The following SND1 variants were observed in gnomAD, a reference collection of about 807,000 sequenced individuals.
The protein encoded by SND1 is staphylococcal nuclease and tudor domain containing 1, also known as staphylococcal nuclease domain-containing protein 1.
Under a neutral mutation model 121.7 loss-of-function variants are expected in SND1, and 38 were observed. The ratio of observed to expected loss-of-function variants is 0.31; its 90% CI spans 0.24 to 0.41. The LOEUF (loss-of-function observed/expected upper bound fraction) is 0.41. Among genes scored for constraint, SND1 ranks in the 10% least tolerant of loss-of-function variants. The pLI, the probability that SND1 is intolerant of heterozygous loss-of-function variation, is 1.00. For synonymous variants in SND1, 401 were observed against 447.4 expected, an observed-to-expected ratio of 0.90 and a Z score of 1.31; for missense variants, 868 against 1,184.6, an observed-to-expected ratio of 0.73 and a Z score of 3.92.
chr7:127,710,785 G>A lies in SND1; in HGVS notation c.1038+3138G>A, dbSNP rs78031647. Among the ~76,000 whole-genome samples, 392 of 152,228 alleles carry A rather than the reference G, an allele frequency of 2.6e-3. 1 individual carries two copies. The highest frequency in any genetic ancestry group is 5.1e-3 in the Admixed American group (78 of 15,282). ...TCCTTTCCTTCATACCATGGAAGAG[G>A]AGGACTTAGTTTTTTCACATAAGCA... On this transcript the variant is annotated intron_variant, in intron 9 of 23. Transcript: ENST00000354725.
At chr7:127,814,229 A>C (rs1798386816) in intron 11 of SND1, among the ~76,000 whole-genome samples, 1 of 151,962 alleles carries the variant, frequency 6.6e-6, no homozygotes, top group Non-Finnish European at 1.5e-5. Flanking sequence ...TTCCATGCTT[A>C]CTCTCTGCAA....
At chr7:127,911,263 C>T (rs1420398563) in intron 14 of SND1, among the ~76,000 whole-genome samples, 2 of 152,254 alleles carry the variant, frequency 1.3e-5, no homozygotes, top group African/African-American at 4.8e-5. Flanking sequence ...CTCTGTGGCA[C>T]ACAACCTCTG....
At chr7:127,729,364 T>C (rs1796633785) in intron 10 of SND1, among the ~76,000 whole-genome samples, 1 of 151,958 alleles carries the variant, frequency 6.6e-6, no homozygotes, top group Non-Finnish European at 1.5e-5. Context: ...CAATTAGAGA[T>C]CTCTCCCTTC....
chr7:127,731,404 C>G (rs898972758), intron 10 of SND1, among the ~76,000 whole-genome samples: 1 of 152,194 alleles, frequency 6.6e-6, no homozygotes, highest in Admixed American at 6.5e-5. Context: ...GGGAAAGAAG[C>G]TAGCCCAGCC....
chr7:128,012,446 C>G (rs921194368), intron 16 of SND1, among the ~76,000 whole-genome samples: 1 of 152,184 alleles, frequency 6.6e-6, no homozygotes, highest in African/African-American at 2.4e-5. Flanking sequence ...GTAACACATG[C>G]CACAAGAAAG....
intron 3 of SND1, among the ~76,000 whole-genome samples, chr7:127,697,106 A>G (rs992981456): frequency 2.0e-5 from 3 of 152,162 alleles, no homozygotes; most frequent in African/African-American, 7.2e-5. Flanking sequence ...TGGTTAACCT[A>G]GAACTTATTG....
intron 15 of SND1, among the ~76,000 whole-genome samples, chr7:127,954,011 T>TA (rs1482312165): frequency 2.6e-5 from 4 of 152,210 alleles, no homozygotes; most frequent in African/African-American, 7.2e-5. Context: ...GAATTGGCTT[T>TA]AAATATATAT....
intron 10 of SND1, among the ~76,000 whole-genome samples, chr7:127,759,758 C>CA (rs1797268091): frequency 6.6e-6 from 1 of 152,202 alleles, no homozygotes; most frequent in African/African-American, 2.4e-5. Context: ...TCCACACCAA[C>CA]ACCTCCAGTT....
At chr7:127,784,408 C>A (rs1797775874) in intron 10 of SND1, among the ~76,000 whole-genome samples, 1 of 152,174 alleles carries the variant, frequency 6.6e-6, no homozygotes. Context: ...TACTGCCTAT[C>A]CTTCTTTCCT....
intron 12 of SND1, among the ~76,000 whole-genome samples, chr7:127,882,441 G>A (rs1799811219): frequency 7.8e-6 from 1 of 128,242 alleles, no homozygotes; most frequent in African/African-American, 2.9e-5. Context: ...GAGGGGAGGG[G>A]AGGGGAAGAG....
chr7:127,674,062 GTC>G (rs1795573623), intron 1 of SND1, among the ~76,000 whole-genome samples: 3 of 148,090 alleles, frequency 2.0e-5, no homozygotes, highest in South Asian at 2.2e-4. Flanking sequence ...CTGTCTCCCT[GTC>G]TCTGTCTTCC....
chr7:127,770,498 G>A (rs527520020), intron 10 of SND1, among the ~76,000 whole-genome samples: 2 of 152,294 alleles, frequency 1.3e-5, no homozygotes, highest in South Asian at 4.1e-4. Flanking sequence ...TGCTGACAAA[G>A]TCAAAGCCCT....
At chr7:127,943,707 T>C (rs1801266318) in intron 15 of SND1, among the ~76,000 whole-genome samples, 1 of 152,216 alleles carries the variant, frequency 6.6e-6, no homozygotes, top group Non-Finnish European at 1.5e-5. Context: ...TGGCATTACC[T>C]GTGCAATCAG....
chr7:127,943,200 T>C (rs1459718690), intron 15 of SND1, among the ~76,000 whole-genome samples: 1 of 152,214 alleles, frequency 6.6e-6, no homozygotes. Context: ...CTATTAATCA[T>C]TGTAATAATT....
chr7:128,061,249 A>G (rs1793226324), intron 16 of SND1, among the ~76,000 whole-genome samples: 1 of 152,224 alleles, frequency 6.6e-6, no homozygotes, highest in African/African-American at 2.4e-5. Flanking sequence ...AGAGAGTCAC[A>G]TCAACACCCA....
At chr7:127,947,679 T>C (rs1043102125) in intron 15 of SND1, among the ~76,000 whole-genome samples, 1 of 152,152 alleles carries the variant, frequency 6.6e-6, no homozygotes, top group Non-Finnish European at 1.5e-5. Context: ...AAAGGAAGAC[T>C]CTTATTTTTT....
chr7:127,741,391 G>C (rs1224246039), intron 10 of SND1, among the ~76,000 whole-genome samples: 3 of 152,092 alleles, frequency 2.0e-5, no homozygotes, highest in Non-Finnish European at 4.4e-5. Context: ...TTACCTGTTT[G>C]TTTTTTGTTT....
At chr7:127,972,796 T>C (rs934019496) in intron 15 of SND1, among the ~76,000 whole-genome samples, 7 of 151,880 alleles carry the variant, frequency 4.6e-5, no homozygotes, top group African/African-American at 1.5e-4. Context: ...GCCAAGCTGG[T>C]CTCGAACTCT....
chr7:127,906,993 G>A (rs1800354573), intron 14 of SND1, among the ~76,000 whole-genome samples: 1 of 151,980 alleles, frequency 6.6e-6, no homozygotes, highest in South Asian at 2.1e-4. Flanking sequence ...TATCTTTTCT[G>A]TCTCAGTATT....
Sources: gnomAD v4.1 joint callset for allele counts (sites outside exome capture counted in the v4.1 genomes callset) on GRCh38, gnomAD v4.1.1 for gene constraint, MANE v1.5 for transcripts, NCBI Gene and HGNC (gene_info 2026-07-23, HGNC 2026-07-21) for gene names.